Variants in NEDD4 observed in about 807,000 individuals in gnomAD.
NEDD4 encodes E3 ubiquitin-protein ligase NEDD4.
NEDD4 carries 99 observed loss-of-function variants against 144.9 expected under a neutral mutation model. The ratio of observed to expected loss-of-function variants is 0.68; its 90% confidence interval spans 0.58 to 0.81. The LOEUF is 0.81. Among genes scored for constraint, NEDD4 ranks in the 30% least tolerant of loss-of-function variants. The pLI is 0.00. For synonymous variants in NEDD4, 318 were observed against 350.6 expected (o/e 0.91, Z 1.04); for missense variants, 985 against 1,065.9 (o/e 0.92, Z 1.06).
chr15:55,930,616 G>A (rs901982521), intron 4 of NEDD4, among the ~76,000 whole-genome samples: 19 of 152,156 alleles, frequency 1.2e-4, no homozygotes, highest in Admixed American at 2.0e-4. Flanking sequence ...TACTGATATG[G>A]TTTGACTGTG....
intron 4 of NEDD4, among the ~76,000 whole-genome samples, chr15:55,945,803 G>A (rs1184662057): frequency 6.6e-6 from 1 of 151,968 alleles, no homozygotes; most frequent in Admixed American, 6.6e-5. Flanking sequence ...TAGACTAACA[G>A]CAAATCTCTC....
At chr15:55,870,531 T>TC (rs2034751926) in intron 7 of NEDD4, among the ~76,000 whole-genome samples, 4 of 4,214 alleles carry the variant, frequency 9.5e-4, no homozygotes, top group Non-Finnish European at 1.9e-3. Flanking sequence ...TTCTTCTTCT[T>TC]TTTTTTTTTT....
chr15:55,912,331 T>A (rs1235518912), intron 5 of NEDD4, among the ~76,000 whole-genome samples: 1 of 152,104 alleles, frequency 6.6e-6, no homozygotes, highest in East Asian at 1.9e-4. Context: ...AATCTTGAGA[T>A]TAGTGTTAAA....
intron 5 of NEDD4, among the ~76,000 whole-genome samples, chr15:55,923,778 C>G (rs1466806746): frequency 1.3e-5 from 2 of 151,480 alleles, no homozygotes; most frequent in Non-Finnish European, 2.9e-5. Context: ...AGTATAATTA[C>G]CATTTCTTGA....
chr15:55,971,771 C>A (rs2037615415), intron 1 of NEDD4, among the ~76,000 whole-genome samples: 2 of 152,070 alleles, frequency 1.3e-5, no homozygotes, highest in African/African-American at 4.8e-5. Context: ...TATAGAATAT[C>A]AAGCAGATTT....
At chr15:55,840,818 A>T in intron 19 of NEDD4, 91 bp from the exon 20 acceptor site, 1 of 1,311,040 alleles carries the variant, frequency 7.6e-7, no homozygotes, top group Non-Finnish European at 1.1e-6. Flanking sequence ...AGAGTTGTTT[A>T]CCACTGTTAG....
intron 13 of NEDD4, among the ~76,000 whole-genome samples, chr15:55,851,651 A>G (rs955070499): frequency 2.0e-5 from 3 of 151,804 alleles, no homozygotes; most frequent in Non-Finnish European, 4.4e-5. Context: ...TAATTTTTGT[A>G]TTTTTGGTAG....
intron 4 of NEDD4, among the ~76,000 whole-genome samples, chr15:55,942,025 T>C (rs1229435223): frequency 6.6e-6 from 1 of 151,988 alleles, no homozygotes; most frequent in Non-Finnish European, 1.5e-5. Flanking sequence ...CAGGTTAACA[T>C]GATTGGTAGT....
intron 1 of NEDD4, among the ~76,000 whole-genome samples, chr15:55,974,669 T>C (rs571319532): frequency 6.6e-6 from 1 of 151,878 alleles, no homozygotes; most frequent in East Asian, 1.9e-4. Context: ...AAAACCCATA[T>C]GATCATTTCA....
chr15:55,916,350 G>A, intron 5 of NEDD4: 1 of 1,614,040 alleles, frequency 6.2e-7, no homozygotes, highest in Non-Finnish European at 8.5e-7. Flanking sequence ...GCTGCTGTAA[G>A]ACCCATTATC....
chr15:55,853,041 G>C (rs915466174), intron 12 of NEDD4, among the ~76,000 whole-genome samples: 2 of 152,160 alleles, frequency 1.3e-5, no homozygotes, highest in Admixed American at 1.3e-4. Flanking sequence ...ATGAGCCACT[G>C]TGCCTGGCCA....
At chr15:55,952,290 C>A (rs561539890) in intron 2 of NEDD4, among the ~76,000 whole-genome samples, 3 of 151,898 alleles carry the variant, frequency 2.0e-5, no homozygotes, top group Non-Finnish European at 4.4e-5. Context: ...GCCAAGATCA[C>A]GCCACTGCAC....
chr15:55,955,670 T>C (rs542398835), intron 2 of NEDD4, among the ~76,000 whole-genome samples: 1 of 152,264 alleles, frequency 6.6e-6, no homozygotes, highest in East Asian at 1.9e-4. Context: ...AAACACTGTA[T>C]GTATATACAT....
intron 8 of NEDD4, among the ~76,000 whole-genome samples, chr15:55,865,159 C>A (rs2034542457): frequency 7.3e-6 from 1 of 137,910 alleles, no homozygotes; most frequent in Non-Finnish European, 1.5e-5. Flanking sequence ...GATCGCACCA[C>A]TGCATACCAG....
At chr15:55,946,197 G>T (rs1010325823) in intron 4 of NEDD4, among the ~76,000 whole-genome samples, 2 of 152,150 alleles carry the variant, frequency 1.3e-5, no homozygotes, top group African/African-American at 4.8e-5. Context: ...CCCATTAAAA[G>T]ACACAGACTG....
intron 1 of NEDD4, among the ~76,000 whole-genome samples, chr15:55,989,741 T>C (rs1301849708): frequency 2.0e-5 from 3 of 152,174 alleles, no homozygotes; most frequent in Non-Finnish European, 4.4e-5. Context: ...AGAAAGAAGC[T>C]AATACAGGGG....
At chr15:55,989,381 A>G (rs1468837504) in intron 1 of NEDD4, among the ~76,000 whole-genome samples, 2 of 152,242 alleles carry the variant, frequency 1.3e-5, no homozygotes, top group African/African-American at 4.8e-5. Context: ...AAAACAATAC[A>G]TGAAAGATTG....
intron 4 of NEDD4, among the ~76,000 whole-genome samples, chr15:55,941,521 T>A (rs568062162): frequency 6.6e-6 from 1 of 152,236 alleles, no homozygotes; most frequent in African/African-American, 2.4e-5. Context: ...GTTACTGAAT[T>A]GTAACTTAAA....
At position 55,993,593 on chromosome 15, in the gene NEDD4, C is replaced by G. The variant is rs756680432; in HGVS notation, c.-38G>C. On this transcript the variant is annotated 5_prime_UTR_variant, in exon 1 of 29. Transcript: ENST00000435532. ...CCAGCAAACCGGACGCGCTCGCCCC[C>G]GCCCAGGGCAGGCAACTGTGGAGGA... 4.4e-6 allele frequency: 7 copies of G among 1,586,296 alleles called. No homozygotes were observed. The highest frequency in any genetic ancestry group is 1.1e-5 in the South Asian group (1 of 88,214).
Sources: allele counts gnomAD v4.1 joint callset (sites outside exome capture counted in the v4.1 genomes callset), GRCh38; gene constraint gnomAD v4.1.1; transcripts MANE v1.5; gene names NCBI Gene and HGNC (gene_info 2026-07-23, HGNC 2026-07-21).